Variants in SULF2 observed in about 807,000 individuals in gnomAD.
SULF2 encodes the protein extracellular sulfatase Sulf-2.
SULF2 carries 52 observed loss-of-function variants against 107.7 expected under a neutral mutation model. The ratio of observed to expected loss-of-function variants is 0.48; its 90% CI spans 0.39 to 0.61. SULF2 has a LOEUF of 0.61. Ranked by LOEUF, SULF2 falls within the 20% of genes least tolerant of loss-of-function variation. SULF2 has a pLI of 0.00. For missense variants in SULF2, 993 were observed against 1,177.3 expected (o/e 0.84, Z 2.29); for synonymous variants, 460 against 464.3 (o/e 0.99, Z 0.12).
rs1192845037 is a variant in SULF2, at chr20:47,658,236, C to T, written c.*126G>A. On this transcript the variant is annotated 3_prime_UTR_variant, in exon 21 of 21. Transcript: ENST00000688720. ...GAATCTGTCATGTTGACTGAGAGTGCGTGCTTGCTTTCTCAGGCCTCCTGG... is the reference window on the plus strand; with the variant it reads ...GAATCTGTCATGTTGACTGAGAGTGTGTGCTTGCTTTCTCAGGCCTCCTGG... 17 of 921,508 alleles carry T rather than the reference C, an allele frequency of 1.8e-5. No individual in the cohort carries two copies. The highest frequency in any genetic ancestry group is 2.7e-5 in the South Asian group (2 of 74,624). The allele number at this position is 921,508 out of a possible 1,614,324, so 57.1% of individuals were successfully genotyped here. A position where few individuals can be genotyped will look rare whatever the true frequency, so the allele number is the denominator to read the frequency against.
chr20:47,674,845 C>T (rs1316448688), intron 10 of SULF2, among the ~76,000 whole-genome samples: 1 of 152,052 alleles, frequency 6.6e-6, no homozygotes, highest in Non-Finnish European at 1.5e-5. Flanking sequence ...CAACGGCACT[C>T]GGGGAGTACC....
intron 11 of SULF2, among the ~76,000 whole-genome samples, chr20:47,671,281 A>T (rs922033218): frequency 1.3e-5 from 2 of 152,166 alleles, no homozygotes; most frequent in South Asian, 2.1e-4. Flanking sequence ...ACTCAACTAT[A>T]GTCTATTTTT....
chr20:47,705,804 C>CT (rs34029135), intron 3 of SULF2, among the ~76,000 whole-genome samples: 76,476 of 137,342 alleles, frequency 0.56, 21,298 homozygotes, highest in Admixed American at 0.69. Flanking sequence ...CTTTTCTTTT[C>CT]TTTTTTTTTT....
At chr20:47,697,103 C>T (rs1434047482) in intron 4 of SULF2, among the ~76,000 whole-genome samples, 2 of 152,212 alleles carry the variant, frequency 1.3e-5, no homozygotes, top group Non-Finnish European at 2.9e-5. Flanking sequence ...AGCCACCCAA[C>T]ACCCAGGCCC....
At chr20:47,713,348 G>A (rs373221398) in intron 3 of SULF2, among the ~76,000 whole-genome samples, 27 of 151,648 alleles carry the variant, frequency 1.8e-4, no homozygotes, top group Middle Eastern at 3.4e-3. Flanking sequence ...TCCTCCCCCC[G>A]TAAAGAATGA....
intron 2 of SULF2, among the ~76,000 whole-genome samples, chr20:47,743,382 C>T (rs2146825396): frequency 6.6e-6 from 1 of 152,228 alleles, no homozygotes; most frequent in South Asian, 2.1e-4. Flanking sequence ...GATCACGGCT[C>T]ACTGCAGCCT....
At chr20:47,691,950 G>C (rs2088210985) in intron 4 of SULF2, among the ~76,000 whole-genome samples, 1 of 152,134 alleles carries the variant, frequency 6.6e-6, no homozygotes, top group South Asian at 2.1e-4. Flanking sequence ...GCCTAGACTG[G>C]AGTGCAGTGG....
chr20:47,697,902 G>A (rs2088437505), intron 4 of SULF2, among the ~76,000 whole-genome samples: 1 of 152,250 alleles, frequency 6.6e-6, no homozygotes, highest in African/African-American at 2.4e-5. Flanking sequence ...GATATTTAGA[G>A]AATCCGCCTG....
At chr20:47,724,228 A>G (rs2089375182) in intron 3 of SULF2, among the ~76,000 whole-genome samples, 1 of 152,220 alleles carries the variant, frequency 6.6e-6, no homozygotes, top group African/African-American at 2.4e-5. Context: ...ACAATTTTTA[A>G]AAGTGTCCTC....
chr20:47,754,234 C>G (rs2090228234), intron 2 of SULF2, among the ~76,000 whole-genome samples: 1 of 152,194 alleles, frequency 6.6e-6, no homozygotes, highest in African/African-American at 2.4e-5. Context: ...GTTCTCTGTC[C>G]TGGGACTGGA....
intron 20 of SULF2, among the ~76,000 whole-genome samples, chr20:47,659,037 A>G (rs1442794194): frequency 6.6e-6 from 1 of 152,218 alleles, no homozygotes; most frequent in Non-Finnish European, 1.5e-5. Flanking sequence ...TTTGGAAACC[A>G]TTTAATGAGG....
At chr20:47,747,014 T>C (rs202077004) in intron 2 of SULF2, among the ~76,000 whole-genome samples, 3,597 of 74,526 alleles carry the variant, frequency 0.048, 157 homozygotes, top group African/African-American at 0.13. Flanking sequence ...TATATATATA[T>C]ATATACACAC....
intron 3 of SULF2, among the ~76,000 whole-genome samples, 186 bp from the exon 4 acceptor site, chr20:47,702,856 A>G (rs904316081): frequency 3.9e-5 from 6 of 152,224 alleles, no homozygotes; most frequent in African/African-American, 1.4e-4. Flanking sequence ...ATTACAGAGA[A>G]AATCAATTGT....
At position 47,678,564 on chromosome 20, in the gene SULF2, C is replaced by A; in HGVS notation, c.1193+112G>T. The A allele has an allele frequency of 7.6e-7, 1 of 1,316,178 alleles. No individual in the cohort carries two copies. Among genetic ancestry groups the A allele is most frequent in the Non-Finnish European group, 1.0e-6 (1 of 956,930 alleles). The allele number at this position is 1,316,178 out of a possible 1,614,324, so 81.5% of individuals were successfully genotyped here. On this transcript the variant is annotated intron_variant, in intron 8 of 20. Transcript: ENST00000688720. This position sits in a 1 kb window ranked among gnomAD's most constrained non-coding sequence, Gnocchi z 4.5. ...TGGTTGGCATGGCGGGACCTGAGAA[C>A]CCCAGCTCCCGACCCTTGGAGACCC...
chr20:47,753,098 CAAAAAAAAAA>C (rs10578438), intron 2 of SULF2, among the ~76,000 whole-genome samples: 1 of 90,686 alleles, frequency 1.1e-5, no homozygotes, highest in East Asian at 2.9e-4. Flanking sequence ...GAGACTCTCT[CAAAAAAAAAA>C]AAAAAAAAAA....
intron 3 of SULF2, among the ~76,000 whole-genome samples, chr20:47,705,265 A>G (rs62201693): frequency 1.4e-3 from 207 of 152,238 alleles, no homozygotes; most frequent in Non-Finnish European, 2.2e-3. Context: ...AAGGTCCGGG[A>G]TGGAACCTCC....
At chr20:47,667,250 G>A (rs1335422519) in intron 11 of SULF2, among the ~76,000 whole-genome samples, 1 of 152,134 alleles carries the variant, frequency 6.6e-6, no homozygotes. Flanking sequence ...ACGGGGACTG[G>A]GGAAGCCACT....
At chr20:47,700,637 C>CTTTTTTTTTTTTTTTTTTTTTTT (rs59966689) in intron 4 of SULF2, among the ~76,000 whole-genome samples, 6 of 126,210 alleles carry the variant, frequency 4.8e-5, no homozygotes, top group Non-Finnish European at 4.8e-5. Context: ...GGTGCAACAT[C>CTTTTTTTTTTTTTTTTTTTTTTT]TTTTTTTTTT....
chr20:47,741,932 C>T (rs564970994), intron 2 of SULF2, among the ~76,000 whole-genome samples: 9 of 152,318 alleles, frequency 5.9e-5, no homozygotes, highest in Non-Finnish European at 1.0e-4. Context: ...GGCTCAGATC[C>T]AGGGTCTCGA....
Sources: gnomAD v4.1 joint callset for allele counts (sites outside exome capture counted in the v4.1 genomes callset) on GRCh38, gnomAD v4.1.1 for gene constraint, Gnocchi (gnomAD v3.1) non-coding constraint, MANE v1.5 for transcripts, NCBI Gene and HGNC (gene_info 2026-07-23, HGNC 2026-07-21) for gene names.